Variants in PPARG observed in about 807,000 individuals in gnomAD.
The protein encoded by PPARG is peroxisome proliferator activated receptor gamma, also known as peroxisome proliferator-activated receptor gamma.
In PPARG, 17 loss-of-function variants were observed where a neutral mutation model predicts 39.2. The ratio of observed to expected loss-of-function variants is 0.43; its 90% confidence interval spans 0.30 to 0.65. PPARG has a LOEUF of 0.65. Among genes scored for constraint, PPARG ranks in the 30% least tolerant of loss-of-function variants. PPARG has a pLI of 0.13. For synonymous variants in PPARG, 223 were observed against 215.7 expected (o/e 1.03, Z -0.30); for missense variants, 406 against 585.9 (o/e 0.69, Z 3.17).
intron 2 of PPARG, among the ~76,000 whole-genome samples, chr3:12,364,616 A>G (rs571400892): frequency 1.3e-5 from 2 of 152,304 alleles, no homozygotes; most frequent in Admixed American, 6.5e-5. Flanking sequence ...TTAGTTTTAT[A>G]AGAAATGGCC....
At chr3:12,395,282 C>G (rs1026054447) in intron 5 of PPARG, among the ~76,000 whole-genome samples, 2 of 152,208 alleles carry the variant, frequency 1.3e-5, no homozygotes, top group Non-Finnish European at 2.9e-5. Flanking sequence ...CCTGGCATGT[C>G]AGTTGCCTGA....
At chr3:12,418,559 T>G (rs148527251) in intron 7 of PPARG, among the ~76,000 whole-genome samples, 1 of 152,238 alleles carries the variant, frequency 6.6e-6, no homozygotes. Flanking sequence ...GTCATAAGAA[T>G]AGCAAACATT....
chr3:12,351,775 A>G, intron 2 of PPARG: 1 of 902,078 alleles, frequency 1.1e-6, no homozygotes. Flanking sequence ...TTGTTTTAAT[A>G]CTATCATGTG....
At chr3:12,351,386 C>G (rs2048481498) in intron 2 of PPARG, 3 of 600,980 alleles carry the variant, frequency 5.0e-6, no homozygotes, top group Middle Eastern at 4.4e-4. Flanking sequence ...CAGCTGGCTC[C>G]TAATAGGACA....
intron 2 of PPARG, among the ~76,000 whole-genome samples, chr3:12,351,088 A>G (rs1468287184): frequency 6.6e-6 from 1 of 152,222 alleles, no homozygotes; most frequent in Non-Finnish European, 1.5e-5. Flanking sequence ...TAGAGATTCA[A>G]CCAGGAATAG....
chr3:12,421,181 G>GC (rs2051247876), intron 7 of PPARG, among the ~76,000 whole-genome samples: 1 of 152,196 alleles, frequency 6.6e-6, no homozygotes, highest in African/African-American at 2.4e-5. Context: ...TCTGGCCCTG[G>GC]CCAGTGGACT....
chr3:12,289,216 T>C (rs567368328), intron 1 of PPARG, 82 bp downstream of exon 1: 3 of 151,954 alleles, frequency 2.0e-5, no homozygotes, highest in Non-Finnish European at 4.4e-5. Flanking sequence ...GTATTATCCT[T>C]ATATCATTTT....
chr3:12,368,581 T>C (rs894949935), intron 2 of PPARG, among the ~76,000 whole-genome samples: 3 of 152,202 alleles, frequency 2.0e-5, no homozygotes, highest in African/African-American at 7.2e-5. Context: ...CTATTTAACA[T>C]TGGGCAAGTC....
chr3:12,371,737 C>T, intron 2 of PPARG: 1 of 496,890 alleles, frequency 2.0e-6, no homozygotes, highest in African/African-American at 1.9e-5. Flanking sequence ...AGCTGGGCTC[C>T]CGTCCAGTCA....
chr3:12,397,300 A>C (rs191109010), intron 5 of PPARG, among the ~76,000 whole-genome samples: 1 of 151,432 alleles, frequency 6.6e-6, no homozygotes, highest in Admixed American at 6.6e-5. Context: ...TGCCTTGCAA[A>C]CAGCAGCTCT....
intron 6 of PPARG, among the ~76,000 whole-genome samples, chr3:12,410,499 A>G (rs908553097): frequency 7.2e-5 from 11 of 152,228 alleles, no homozygotes; most frequent in Admixed American, 3.9e-4. Flanking sequence ...TTTCACCCCT[A>G]TCTAAGAGAT....
At chr3:12,413,636 C>A (rs1373209373) in intron 6 of PPARG, among the ~76,000 whole-genome samples, 1 of 151,590 alleles carries the variant, frequency 6.6e-6, no homozygotes, top group Non-Finnish European at 1.5e-5. Context: ...TGGTGAAACC[C>A]CGTCTATACT....
intron 7 of PPARG, among the ~76,000 whole-genome samples, chr3:12,426,607 A>G (rs148085414): frequency 6.6e-6 from 1 of 152,294 alleles, no homozygotes; most frequent in East Asian, 1.9e-4. Context: ...AGGAAGAAAG[A>G]ATAGGAAAAA....
intron 2 of PPARG, among the ~76,000 whole-genome samples, chr3:12,312,991 G>T (rs935958195): frequency 6.6e-6 from 1 of 152,074 alleles, no homozygotes; most frequent in Non-Finnish European, 1.5e-5. Flanking sequence ...AGGCTCCAGG[G>T]GCTCCCAAAG....
At chr3:12,310,086 A>G (rs1449165987) in intron 1 of PPARG, among the ~76,000 whole-genome samples, 1 of 152,138 alleles carries the variant, frequency 6.6e-6, no homozygotes, top group Non-Finnish European at 1.5e-5. Context: ...TCTGGGGACG[A>G]TTCCTTCTAA....
At chr3:12,301,700 C>G (rs1422305970) in intron 1 of PPARG, 1 of 152,162 alleles carries the variant, frequency 6.6e-6, no homozygotes, top group Non-Finnish European at 1.5e-5. Context: ...CAAGGAACTT[C>G]CATGCTCTCC....
chr3:12,404,816 A>G (rs1310561776), intron 5 of PPARG, among the ~76,000 whole-genome samples: 3 of 152,224 alleles, frequency 2.0e-5, no homozygotes, highest in Middle Eastern at 3.2e-3. Flanking sequence ...AATATAAAAT[A>G]AAATAAAATA....
At chr3:12,317,082 T>C (rs1284846688) in intron 2 of PPARG, among the ~76,000 whole-genome samples, 1 of 152,172 alleles carries the variant, frequency 6.6e-6, no homozygotes, top group African/African-American at 2.4e-5. Context: ...CAACGATCTT[T>C]ATCATTTTCT....
intron 2 of PPARG, among the ~76,000 whole-genome samples, chr3:12,374,603 A>AAAAAC (rs371146794): frequency 2.0e-5 from 3 of 152,312 alleles, no homozygotes; most frequent in African/African-American, 7.2e-5. Flanking sequence ...CACCAAAAAC[A>AAAAAC]AAAACAAAAC....
Sources: allele counts gnomAD v4.1 joint callset (sites outside exome capture counted in the v4.1 genomes callset), GRCh38; gene constraint gnomAD v4.1.1; transcripts MANE v1.5; gene names NCBI Gene and HGNC (gene_info 2026-07-23, HGNC 2026-07-21).